RBMS2: variants seen among roughly 807,000 people sequenced by gnomAD.
RBMS2 encodes RNA-binding motif, single-stranded-interacting protein 2.
A neutral mutation model predicts 58.4 loss-of-function variants in RBMS2; 38 were observed. The observed-to-expected ratio is 0.65, with a 90% CI of 0.50 to 0.85. RBMS2 has a LOEUF of 0.85. RBMS2 is among the 40% of genes least tolerant of loss of function. The pLI, the probability that RBMS2 is intolerant of heterozygous loss-of-function variation, is 0.00. For missense variants in RBMS2, 367 were observed against 503.7 expected, an observed-to-expected ratio of 0.73 and a Z score of 2.60; for synonymous variants, 151 against 180.7, an observed-to-expected ratio of 0.84 and a Z score of 1.32.
chr12:56,540,669 C>T (rs925260322), intron 1 of RBMS2, among the ~76,000 whole-genome samples: 1 of 152,156 alleles, frequency 6.6e-6, no homozygotes, highest in Non-Finnish European at 1.5e-5. Context: ...CAAGAATAAC[C>T]ACACCTGGCT....
intron 2 of RBMS2, among the ~76,000 whole-genome samples, chr12:56,564,522 T>C (rs1435475905): frequency 6.6e-6 from 1 of 151,998 alleles, no homozygotes; most frequent in Non-Finnish European, 1.5e-5. Context: ...ACCACCATGC[T>C]TGGCTAATTT....
At chr12:56,540,958 A>G (rs1165142897) in intron 1 of RBMS2, among the ~76,000 whole-genome samples, 1 of 152,086 alleles carries the variant, frequency 6.6e-6, no homozygotes, top group Admixed American at 6.6e-5. Flanking sequence ...AATATTAGCC[A>G]GGTGTGGTAG....
upstream of RBMS2, among the ~76,000 whole-genome samples, chr12:56,520,628 A>C (rs1871638030): frequency 6.6e-6 from 1 of 152,202 alleles, no homozygotes; most frequent in Non-Finnish European, 1.5e-5. Flanking sequence ...TTTGGAAACT[A>C]GTAGAGGTAA....
chr12:56,587,691 A>G, intron 11 of RBMS2, 27 bp downstream of exon 11: 3 of 1,604,428 alleles, frequency 1.9e-6, no homozygotes, highest in Non-Finnish European at 2.6e-6. Flanking sequence ...CTGATTGTAA[A>G]CTCTCCTACT....
intron 2 of RBMS2, among the ~76,000 whole-genome samples, chr12:56,565,166 G>C (rs1881122027): frequency 1.3e-5 from 2 of 151,998 alleles, no homozygotes; most frequent in Middle Eastern, 3.2e-3. Flanking sequence ...TATTGTTTAG[G>C]GAATAATGAC....
intron 5 of RBMS2, among the ~76,000 whole-genome samples, chr12:56,575,711 G>C (rs977455084): frequency 1.3e-5 from 2 of 151,688 alleles, no homozygotes; most frequent in South Asian, 2.1e-4. Flanking sequence ...CCTGACCAAC[G>C]TGGAAAAACC....
chr12:56,591,383 G>A lies in RBMS2; in HGVS notation c.*2250G>A, dbSNP rs577376887. 5.0e-4 allele frequency: 76 copies of A among 152,278 alleles called. 1 individual carries two copies. The highest frequency in any genetic ancestry group is 1.8e-3 in the African/African-American group (75 of 41,534). The allele number at this position is 152,278 out of a possible 1,614,324, so 9.4% of individuals were successfully genotyped here. ...GACTTTCTATGTACATCCTAGGGGTGAGGGAGTGCGGGGCAATGGGTAGGA... is the reference window on the plus strand; with the variant it reads ...GACTTTCTATGTACATCCTAGGGGTAAGGGAGTGCGGGGCAATGGGTAGGA... On this transcript the variant is annotated 3_prime_UTR_variant, in exon 14 of 14. Transcript: ENST00000262031.
chr12:56,538,027 TTTA>T (rs1179072014), intron 1 of RBMS2, among the ~76,000 whole-genome samples: 3 of 24,812 alleles, frequency 1.2e-4, no homozygotes, highest in Non-Finnish European at 3.5e-4. Context: ...TTTTATTTTA[TTTA>T]TTTATTTATT....
chr12:56,557,809 G>A (rs1315244109), intron 1 of RBMS2, among the ~76,000 whole-genome samples: 1 of 141,814 alleles, frequency 7.1e-6, no homozygotes, highest in Non-Finnish European at 1.5e-5. Context: ...CGCGATGTCA[G>A]CTCACCGCAA....
rs886915854 is a variant in RBMS2 at position 56,582,120 on chromosome 12, C to T, written c.841C>T (p.Pro281Ser). 2.5e-6 allele frequency: 4 copies of T among 1,612,060 alleles called. No homozygotes were observed. The highest frequency in any genetic ancestry group is 3.4e-6 in the Non-Finnish European group (4 of 1,178,400). ...NRMLAQSALSPYLSSPVSSYQ... is the reference protein window; with the variant it reads ...NRMLAQSALSSYLSSPVSSYQ... ...GATGCTTGCTCAGTCTGCACTCTCC[C>T]CATACCTTTCCTCTCCTGTGTCTTC... The change falls in exon 9 of 14, where the codon CCA (proline) becomes TCA (serine). Residue 281 changes from proline (P) to serine (S), a missense_variant. Physicochemically the swap from Pro to Ser is moderately conservative, Grantham distance 74. This residue lies in a region of RBMS2 where 220 missense variants were observed against 261.1 expected (regional missense o/e 0.84). Transcript: ENST00000262031.
Position 56,533,667 on chromosome 12 carries a change from T to C in RBMS2, c.66+11578T>C, listed in dbSNP as rs181815956. Among the ~76,000 whole-genome samples, 768 of 151,976 alleles carry C rather than the reference T, an allele frequency of 5.1e-3. 7 individuals carry two copies. The highest frequency in any genetic ancestry group is 0.017 in the African/African-American group (692 of 41,462). ...CTGACTTCAAGTGATTCGCCCACCT[T>C]GGCCTCCCAAAGTGCTGGGATTACA... On this transcript the variant is annotated intron_variant, in intron 1 of 13. Coordinates refer to ENST00000262031, the MANE Select transcript of RBMS2 (RefSeq NM_002898.4).
intron 2 of RBMS2, among the ~76,000 whole-genome samples, chr12:56,563,125 A>G (rs560932335): frequency 3.9e-5 from 6 of 152,236 alleles, no homozygotes; most frequent in African/African-American, 1.4e-4. Context: ...TCCATCTCAA[A>G]AAAATAAAAA....
intron 1 of RBMS2, among the ~76,000 whole-genome samples, chr12:56,541,471 G>C (rs1327061874): frequency 6.6e-6 from 1 of 152,086 alleles, no homozygotes; most frequent in African/African-American, 2.4e-5. Flanking sequence ...TATTTGCATA[G>C]CTCTTAAAGA....
At chr12:56,526,844 A>G (rs1457132699) in intron 1 of RBMS2, among the ~76,000 whole-genome samples, 1 of 152,092 alleles carries the variant, frequency 6.6e-6, no homozygotes, top group Non-Finnish European at 1.5e-5. Flanking sequence ...CTTTCTTGAC[A>G]TCATCTCTCT....
At chr12:56,562,950 G>A (rs919959526) in intron 2 of RBMS2, among the ~76,000 whole-genome samples, 5 of 152,012 alleles carry the variant, frequency 3.3e-5, no homozygotes, top group African/African-American at 4.8e-5. Flanking sequence ...GTGAAACCCC[G>A]TCTCTACTAA....
chr12:56,588,670 T>G, intron 12 of RBMS2: 1 of 588,708 alleles, frequency 1.7e-6, no homozygotes, highest in Non-Finnish European at 3.0e-6. Context: ...TCTGAGTTCA[T>G]GAATGAGGCC....
rs749569458 is a variant in RBMS2 at position 56,582,086 on chromosome 12, C to T, written c.807C>T (p.Thr269=). The change falls in exon 9 of 14, where the codon ACC becomes ACT. Residue 269 remains threonine, a synonymous_variant. Coordinates refer to ENST00000262031, the MANE Select transcript of RBMS2 (RefSeq NM_002898.4). ...TTTACCCAGCCCCCTATAACATCACCCCCAACAGGATGCTTGCTCAGTCTG... is the reference window on the plus strand; with the variant it reads ...TTTACCCAGCCCCCTATAACATCACTCCCAACAGGATGCTTGCTCAGTCTG... ...NGFYPAPYNI[T]PNRMLAQSAL... 1.5e-5 allele frequency: 25 copies of T among 1,613,088 alleles called. No individual in the cohort carries two copies. Among genetic ancestry groups the T allele is most frequent in the African/African-American group, 2.7e-5 (2 of 74,824 alleles).
intron 1 of RBMS2, among the ~76,000 whole-genome samples, chr12:56,557,986 G>A (rs58590559): frequency 0.037 from 5,164 of 138,940 alleles, 336 homozygotes; most frequent in African/African-American, 0.13. Context: ...GGATCCACCC[G>A]CCTCAGCCTC....
In RBMS2 at chr12:56,544,754, A is replaced by ATTTTTTT. The variant is rs537510847; in HGVS notation, c.67-17656_67-17650dup. ...TGCCACCATGCCCAGCTAATTTTTAATTTTTTTTTTTTTCTTTTTTGTAGA... is the reference window on the plus strand; with the variant it reads ...TGCCACCATGCCCAGCTAATTTTTAATTTTTTTTTTTTTTTTTTTTCTTTTTTGTAGA... On this transcript the variant is annotated intron_variant, in intron 1 of 13. Transcript: ENST00000262031. Among the ~76,000 whole-genome samples, 382 of 116,036 alleles carry ATTTTTTT rather than the reference A, an allele frequency of 3.3e-3. 6 individuals carry two copies. The highest frequency in any genetic ancestry group is 4.8e-3 in the Non-Finnish European group (280 of 58,346). 76.1% of individuals were successfully genotyped at this position (116,036 alleles called of 152,430 possible).
Sources: allele counts gnomAD v4.1 joint callset (sites outside exome capture counted in the v4.1 genomes callset), GRCh38; gene constraint gnomAD v4.1.1; regional missense constraint gnomAD v4.1.1; transcripts MANE v1.5; gene names NCBI Gene and HGNC (gene_info 2026-07-23, HGNC 2026-07-21).